The following CFAP54 variants were observed in gnomAD, a reference collection of about 807,000 sequenced individuals.
CFAP54 encodes cilia and flagella associated protein 54, also known as cilia- and flagella-associated protein 54.
A neutral mutation model predicts 370.4 loss-of-function variants in CFAP54; 290 were observed. The ratio of observed to expected loss-of-function variants is 0.78; its 90% confidence interval spans 0.71 to 0.86. The LOEUF (loss-of-function observed/expected upper bound fraction) is 0.86, where lower values mean the gene tolerates loss of function less well. Ranked by LOEUF, CFAP54 falls within the 40% of genes least tolerant of loss-of-function variation. CFAP54 has a pLI of 0.00. For synonymous variants in CFAP54, 1,206 were observed against 1,236.5 expected (o/e 0.98, Z 0.52); for missense variants, 3,399 against 3,528.7 (o/e 0.96, Z 0.93).
At chr12:96,671,101 T>TAGCTGGGATTAC (rs1449732624) in intron 39 of CFAP54, among the ~76,000 whole-genome samples, 1 of 152,166 alleles carries the variant, frequency 6.6e-6, no homozygotes, top group East Asian at 1.9e-4. Context: ...TCCTCCTGAG[T>TAGCTGGGATTAC]AGCTGGGATT....
intron 26 of CFAP54, among the ~76,000 whole-genome samples, chr12:96,615,687 C>A (rs763862167): frequency 1.3e-5 from 2 of 152,150 alleles, no homozygotes; most frequent in Non-Finnish European, 2.9e-5. Context: ...ACAACCCCAT[C>A]AACAAGTGGA....
At chr12:96,619,753 T>C (rs1338906265) in intron 26 of CFAP54, among the ~76,000 whole-genome samples, 1 of 152,094 alleles carries the variant, frequency 6.6e-6, no homozygotes, top group Non-Finnish European at 1.5e-5. Flanking sequence ...TTAAGTAGAG[T>C]GGAGAGCAGA....
intron 53 of CFAP54, 57 bp from the exon 54 acceptor site, chr12:96,743,674 T>C: frequency 6.4e-7 from 1 of 1,556,732 alleles, no homozygotes; most frequent in South Asian, 1.2e-5. Flanking sequence ...CATGTCCAGC[T>C]CTTGTTTCAG....
intron 5 of CFAP54, among the ~76,000 whole-genome samples, chr12:96,513,473 G>A (rs56327199): frequency 1.3e-5 from 2 of 152,212 alleles, no homozygotes; most frequent in African/African-American, 2.4e-5. Context: ...GGGTGCAGTA[G>A]CTTACACCTG....
At chr12:96,685,700 C>G (rs1365670589) in intron 42 of CFAP54, among the ~76,000 whole-genome samples, 1 of 152,094 alleles carries the variant, frequency 6.6e-6, no homozygotes, top group Non-Finnish European at 1.5e-5. Context: ...CAGGTGGCCA[C>G]CACCATGCCC....
At chr12:96,580,882 T>C (rs1428180832) in intron 21 of CFAP54, 38 bp from the exon 22 acceptor site, 2 of 1,340,114 alleles carry the variant, frequency 1.5e-6, no homozygotes, top group African/African-American at 1.5e-5. Flanking sequence ...GTTATTTTAA[T>C]TTTTCATGTA....
chr12:96,772,444 C>T lies in CFAP54; in HGVS notation c.8281+7226C>T, dbSNP rs78214770. 4.9e-3 allele frequency among the ~76,000 whole-genome samples: 748 copies of T among 152,264 alleles called. 4 individuals are homozygous for T. The highest frequency in any genetic ancestry group is 0.017 in the African/African-American group (701 of 41,542). On this transcript the variant is annotated intron_variant, in intron 60 of 67. Coordinates refer to ENST00000524981, the MANE Select transcript of CFAP54 (RefSeq NM_001306084.2). ...CTCCCTTTATCTTCCAAGCCAGCAG[C>T]GTAGCATCTCCAAATCTCTCTGACC...
intron 1 of CFAP54, among the ~76,000 whole-genome samples, chr12:96,494,846 C>T (rs1382912530): frequency 1.3e-5 from 2 of 151,952 alleles, no homozygotes; most frequent in Non-Finnish European, 2.9e-5. Context: ...CCTGCCTTAG[C>T]CTCCCAAGTA....
intron 43 of CFAP54, among the ~76,000 whole-genome samples, chr12:96,690,357 A>G (rs1316685593): frequency 6.6e-6 from 1 of 152,222 alleles, no homozygotes; most frequent in Non-Finnish European, 1.5e-5. Context: ...TATATACATT[A>G]AAATAATTTC....
At chr12:96,688,737 T>C (rs969741458) in intron 42 of CFAP54, among the ~76,000 whole-genome samples, 179 bp from the exon 43 acceptor site, 1 of 152,124 alleles carries the variant, frequency 6.6e-6, no homozygotes, top group Admixed American at 6.5e-5. Flanking sequence ...ATTTAGGCAG[T>C]AGGATTATAG....
chr12:96,589,841 G>T (rs1956108589), intron 23 of CFAP54, among the ~76,000 whole-genome samples: 1 of 151,814 alleles, frequency 6.6e-6, no homozygotes, highest in African/African-American at 2.4e-5. Flanking sequence ...CTGCCTCCTG[G>T]GCTGAGGTGA....
Position 96,580,907 on chromosome 12 carries a change from T to C in CFAP54, c.2890-13T>C. ...TTTTTCATGTATAACTTGAAATATA[T>C]TTTTCTTAATAGATACCAGCTGACG... On this transcript the variant is annotated splice_polypyrimidine_tract_variant and intron_variant, in intron 21 of 67. Coordinates refer to ENST00000524981, the MANE Select transcript of CFAP54 (RefSeq NM_001306084.2). 1 of 1,453,488 alleles carries C rather than the reference T, an allele frequency of 6.9e-7. No individual in the cohort carries two copies. Among genetic ancestry groups the C allele is most frequent in the Non-Finnish European group, 9.1e-7 (1 of 1,101,620 alleles). 90.0% of individuals were successfully genotyped at this position (1,453,488 alleles called of 1,614,324 possible).
chr12:96,682,089 C>G (rs1957279840), intron 40 of CFAP54: 1 of 878,770 alleles, frequency 1.1e-6, no homozygotes, highest in Non-Finnish European at 1.4e-6. Context: ...TCCCAACTTC[C>G]CTTCTTTCTA....
chr12:96,849,429 G>A (rs772282540), intron 66 of CFAP54, among the ~76,000 whole-genome samples: 2 of 152,160 alleles, frequency 1.3e-5, no homozygotes, highest in Admixed American at 6.5e-5. Context: ...GTCATGGAAC[G>A]CTTAGAATTG....
At chr12:96,843,784 A>G (rs778589400) in intron 66 of CFAP54, among the ~76,000 whole-genome samples, 2 of 152,220 alleles carry the variant, frequency 1.3e-5, no homozygotes, top group Non-Finnish European at 2.9e-5. Flanking sequence ...TCATAAATAC[A>G]TAAATTCCTT....
chr12:96,747,490 A>G (rs1958130241), intron 55 of CFAP54, among the ~76,000 whole-genome samples: 1 of 152,250 alleles, frequency 6.6e-6, no homozygotes, highest in African/African-American at 2.4e-5. Flanking sequence ...AATGAAAATT[A>G]AGCATTTAGC....
At chr12:96,784,147 T>C (rs902634894) in intron 60 of CFAP54, among the ~76,000 whole-genome samples, 5 of 152,230 alleles carry the variant, frequency 3.3e-5, no homozygotes, top group African/African-American at 9.6e-5. Context: ...TACACATATA[T>C]GGGTATCTGC....
chr12:96,617,879 A>G (rs536128924), intron 26 of CFAP54, among the ~76,000 whole-genome samples: 1 of 150,950 alleles, frequency 6.6e-6, no homozygotes, highest in African/African-American at 2.4e-5. Flanking sequence ...AGTCCCAGCT[A>G]CTCGGGAGGC....
chr12:96,498,891 A>T (rs1439710785), intron 1 of CFAP54, among the ~76,000 whole-genome samples: 2 of 152,218 alleles, frequency 1.3e-5, no homozygotes, highest in Non-Finnish European at 2.9e-5. Context: ...TTGATAAAGG[A>T]CTGTTGTCCA....
Sources: allele counts gnomAD v4.1 joint callset (sites outside exome capture counted in the v4.1 genomes callset), GRCh38; gene constraint gnomAD v4.1.1; transcripts MANE v1.5; gene names NCBI Gene and HGNC (gene_info 2026-07-23, HGNC 2026-07-21).